The following ITPR1 variants were observed in gnomAD, a reference collection of about 807,000 sequenced individuals.
ITPR1 encodes the protein inositol 1,4,5-trisphosphate receptor type 1, also known as inositol 1,4,5-trisphosphate-gated calcium channel ITPR1.
Under a neutral mutation model 318.4 loss-of-function variants are expected in ITPR1, and 96 were observed. That is an observed-to-expected ratio of 0.30 (90% CI 0.26 to 0.36). The LOEUF (loss-of-function observed/expected upper bound fraction) is 0.36, where lower values mean the gene tolerates loss of function less well. Ranked by LOEUF, ITPR1 falls within the 10% of genes least tolerant of loss-of-function variation. The probability of loss-of-function intolerance (pLI) is 1.00; values close to 1 mark genes in which losing one functional copy is unlikely to be tolerated. For synonymous variants in ITPR1, 1,312 were observed against 1,289.9 expected (o/e 1.02, Z -0.37); for missense variants, 2,440 against 3,460.2 (o/e 0.71, Z 7.40).
At chr3:4,564,044 C>G (rs187069953) in intron 4 of ITPR1, among the ~76,000 whole-genome samples, 2 of 152,030 alleles carry the variant, frequency 1.3e-5, no homozygotes, top group African/African-American at 2.4e-5. Flanking sequence ...GGGGTTCAAG[C>G]GATTCTCTTG....
intron 44 of ITPR1, among the ~76,000 whole-genome samples, chr3:4,759,586 A>C (rs1462497450): frequency 6.6e-6 from 1 of 152,150 alleles, no homozygotes; most frequent in Non-Finnish European, 1.5e-5. Context: ...GTGGTTTTCA[A>C]GTGCTGCTCT....
chr3:4,673,486 G>T, intron 21 of ITPR1, 99 bp downstream of exon 21: 6 of 1,229,730 alleles, frequency 4.9e-6, no homozygotes, highest in East Asian at 2.6e-5. Flanking sequence ...ATGAAGTGTT[G>T]GTTTTTTCTT....
intron 2 of ITPR1, among the ~76,000 whole-genome samples, chr3:4,515,913 A>C (rs925791252): frequency 3.3e-5 from 5 of 152,132 alleles, no homozygotes; most frequent in Non-Finnish European, 7.3e-5. Context: ...ACAGTTGTGG[A>C]ATTCTGAAAA....
chr3:4,537,375 A>G (rs936614141), intron 4 of ITPR1, among the ~76,000 whole-genome samples: 31 of 152,236 alleles, frequency 2.0e-4, no homozygotes, highest in African/African-American at 7.0e-4. Context: ...AAATTTACCC[A>G]TGTCATCTAA....
At chr3:4,756,138 A>G (rs1247343194) in intron 44 of ITPR1, among the ~76,000 whole-genome samples, 1 of 152,172 alleles carries the variant, frequency 6.6e-6, no homozygotes, top group Non-Finnish European at 1.5e-5. Flanking sequence ...GCTGAAGTCG[A>G]GACTGGTTTA....
intron 34 of ITPR1, among the ~76,000 whole-genome samples, chr3:4,698,937 C>T (rs150586471): frequency 1.3e-4 from 20 of 152,292 alleles, no homozygotes; most frequent in East Asian, 5.8e-4. Flanking sequence ...CGGGTGAAAT[C>T]GTAGGTGTCT....
chr3:4,654,039 C>G (rs896798760), intron 12 of ITPR1, among the ~76,000 whole-genome samples, 153 bp downstream of exon 12: 1 of 152,114 alleles, frequency 6.6e-6, no homozygotes. Flanking sequence ...CTGTGCTTCC[C>G]TTGAGAGGGA....
intron 4 of ITPR1, among the ~76,000 whole-genome samples, chr3:4,602,083 G>A (rs2091329466): frequency 6.6e-6 from 1 of 152,214 alleles, no homozygotes; most frequent in African/African-American, 2.4e-5. Flanking sequence ...CTCACACATT[G>A]CTGGCAGGAT....
chr3:4,524,463 C>T (rs190818685), intron 4 of ITPR1, among the ~76,000 whole-genome samples: 2 of 152,132 alleles, frequency 1.3e-5, no homozygotes, highest in East Asian at 1.9e-4. Flanking sequence ...ATTTCTAGTC[C>T]ATTTCCTCAT....
intron 36 of ITPR1, among the ~76,000 whole-genome samples, chr3:4,703,503 A>C (rs2094697576): frequency 6.6e-6 from 1 of 152,170 alleles, no homozygotes; most frequent in Non-Finnish European, 1.5e-5. Flanking sequence ...TCCTGACTTT[A>C]TCAGACTCCA....
intron 2 of ITPR1, among the ~76,000 whole-genome samples, chr3:4,498,937 A>G (rs2080812726): frequency 6.6e-6 from 1 of 152,246 alleles, no homozygotes; most frequent in Non-Finnish European, 1.5e-5. Context: ...CTCCTTAATA[A>G]GTGAAGTGGA....
intron 46 of ITPR1, among the ~76,000 whole-genome samples, chr3:4,773,248 C>G (rs1231246448): frequency 2.0e-5 from 3 of 152,188 alleles, no homozygotes. Flanking sequence ...AGGGTGGAGG[C>G]CTCGAGAGCA....
chr3:4,600,561 C>T (rs905094361), intron 4 of ITPR1, among the ~76,000 whole-genome samples: 2 of 151,994 alleles, frequency 1.3e-5, no homozygotes, highest in Non-Finnish European at 1.5e-5. Flanking sequence ...TAATTTTTCG[C>T]CTCTAAATTG....
intron 18 of ITPR1, among the ~76,000 whole-genome samples, chr3:4,668,347 C>T (rs576896109): frequency 3.0e-4 from 45 of 151,672 alleles, no homozygotes; most frequent in Middle Eastern, 3.4e-3. Context: ...TTAGATCCTA[C>T]AAATAAGTGA....
At chr3:4,493,746 G>A (rs304075) in intron 1 of ITPR1, 141 bp downstream of exon 1, 4,399 of 152,416 alleles carry the variant, frequency 0.029, 92 homozygotes, top group Non-Finnish European at 0.046. Flanking sequence ...ACTGCGGGCA[G>A]TTGTTTTGGG....
In ITPR1 at chr3:4,752,352, A is replaced by G. The variant is rs75364576; in HGVS notation, c.5545-14178A>G. Among the ~76,000 whole-genome samples the G allele has an allele frequency of 9.6e-3, 1,456 of 152,296 alleles. 21 individuals are homozygous for G. The highest frequency in any genetic ancestry group is 0.033 in the African/African-American group (1,384 of 41,548). ...CATCCCTCCCGGGCTGTAGTTAATC[A>G]TGCAAGCTGCTGTGTCACTGGGGCC... is the stretch of plus-strand genomic sequence containing the variant. On this transcript the variant is annotated intron_variant, in intron 44 of 61. Transcript: ENST00000649015.
chr3:4,681,658 T>TGTGTGTGTGTGC (rs1553690431), intron 26 of ITPR1, among the ~76,000 whole-genome samples: 1 of 149,848 alleles, frequency 6.7e-6, no homozygotes, highest in South Asian at 2.1e-4. Context: ...TGTGTGTGTG[T>TGTGTGTGTGTGC]CCCACCTAGG....
chr3:4,692,958 T>C (rs1178930828), intron 32 of ITPR1, among the ~76,000 whole-genome samples: 2 of 152,074 alleles, frequency 1.3e-5, no homozygotes, highest in African/African-American at 2.4e-5. Flanking sequence ...CCGTCTCTAC[T>C]AAAAATACAA....
chr3:4,521,459 T>A (rs2082558809), intron 4 of ITPR1, among the ~76,000 whole-genome samples: 1 of 152,232 alleles, frequency 6.6e-6, no homozygotes. Context: ...ATGCTGATAT[T>A]CTTAGATACC....
Sources: gnomAD v4.1 joint callset for allele counts (sites outside exome capture counted in the v4.1 genomes callset) on GRCh38, gnomAD v4.1.1 for gene constraint, MANE v1.5 for transcripts, NCBI Gene and HGNC (gene_info 2026-07-23, HGNC 2026-07-21) for gene names.